Variants in AKAP13 observed in about 807,000 individuals in gnomAD.
AKAP13 encodes the protein A-kinase anchor protein 13.
A neutral mutation model predicts 264.5 loss-of-function variants in AKAP13; 80 were observed. That is an observed-to-expected ratio of 0.30 (90% CI 0.25 to 0.36). AKAP13 has a LOEUF of 0.36. Among genes scored for constraint, AKAP13 ranks in the 10% least tolerant of loss-of-function variants. The probability of loss-of-function intolerance (pLI) is 1.00; values close to 1 mark genes in which losing one functional copy is unlikely to be tolerated. For synonymous variants in AKAP13, 1,380 were observed against 1,250.2 expected, an observed-to-expected ratio of 1.10 and a Z score of -2.19; for missense variants, 3,712 against 3,435.2, an observed-to-expected ratio of 1.08 and a Z score of -2.01.
At chr15:85,486,940 A>G (rs1457356758) in intron 2 of AKAP13, among the ~76,000 whole-genome samples, 3 of 151,908 alleles carry the variant, frequency 2.0e-5, no homozygotes, top group African/African-American at 7.3e-5. Flanking sequence ...GGGTTTTACC[A>G]TGTTTGCCAG....
intron 12 of AKAP13, among the ~76,000 whole-genome samples, chr15:85,658,969 A>G (rs1324427478): frequency 6.6e-6 from 1 of 152,158 alleles, no homozygotes; most frequent in Non-Finnish European, 1.5e-5. Flanking sequence ...TCCACAAAAG[A>G]AAAACCAGGA....
chr15:85,499,672 C>T (rs1418475115), intron 2 of AKAP13, among the ~76,000 whole-genome samples: 1 of 151,866 alleles, frequency 6.6e-6, no homozygotes, highest in South Asian at 2.1e-4. Context: ...CAATCCCTAA[C>T]ACATGCATAA....
intron 5 of AKAP13, among the ~76,000 whole-genome samples, chr15:85,563,575 A>G (rs2078493786): frequency 6.6e-6 from 1 of 152,074 alleles, no homozygotes; most frequent in African/African-American, 2.4e-5. Flanking sequence ...CATTCAAATT[A>G]CCCTGAATAC....
chr15:85,498,199 G>GATATAGAGATAT (rs1467895169), intron 2 of AKAP13, among the ~76,000 whole-genome samples: 1 of 133,010 alleles, frequency 7.5e-6, no homozygotes, highest in Admixed American at 7.4e-5. Flanking sequence ...AATGAAGTGA[G>GATATAGAGATAT]ATATATATAT....
At chr15:85,489,315 C>T (rs2075660421) in intron 2 of AKAP13, among the ~76,000 whole-genome samples, 1 of 152,218 alleles carries the variant, frequency 6.6e-6, no homozygotes, top group Admixed American at 6.5e-5. Flanking sequence ...GTTTAATTGA[C>T]TTGAGCAGGC....
At chr15:85,454,180 G>A (rs748455622) in intron 1 of AKAP13, among the ~76,000 whole-genome samples, 10 of 152,164 alleles carry the variant, frequency 6.6e-5, no homozygotes, top group Non-Finnish European at 1.2e-4. Flanking sequence ...ATTTACAGGA[G>A]TCTAACCTCC....
chr15:85,465,408 A>G (rs577705090), intron 1 of AKAP13, among the ~76,000 whole-genome samples: 136 of 151,658 alleles, frequency 9.0e-4, no homozygotes, highest in Non-Finnish European at 1.6e-3. Context: ...TGTGCAGGTT[A>G]GTTACATATG....
chr15:85,442,817 CT>C (rs1365966834), intron 1 of AKAP13, among the ~76,000 whole-genome samples: 1 of 151,810 alleles, frequency 6.6e-6, no homozygotes, highest in Non-Finnish European at 1.5e-5. Context: ...GGATTCAGGC[CT>C]TTTAAAAAAT....
chr15:85,433,729 G>T (rs541114251), intron 1 of AKAP13, among the ~76,000 whole-genome samples: 4 of 152,082 alleles, frequency 2.6e-5, no homozygotes, highest in Admixed American at 2.6e-4. Flanking sequence ...GGCTGAAGTG[G>T]GTGGATCACC....
At chr15:85,647,679 C>T (rs936585244) in intron 10 of AKAP13, among the ~76,000 whole-genome samples, 1 of 152,200 alleles carries the variant, frequency 6.6e-6, no homozygotes, top group Admixed American at 6.5e-5. Flanking sequence ...GGCGCAATGG[C>T]TCACGCCTGT....
At position 85,582,125 on chromosome 15, in the gene AKAP13, C is replaced by A; in HGVS notation, c.4039+18C>A. On this transcript the variant is annotated intron_variant, in intron 7 of 36. Transcript: ENST00000394518. ...AGCAGCAGGTAAGCAAAACATAATACAAAATTAACAGTCTGAGAAGCAGAT... is the reference window on the plus strand; with the variant it reads ...AGCAGCAGGTAAGCAAAACATAATAAAAAATTAACAGTCTGAGAAGCAGAT... The A allele has an allele frequency of 6.4e-7, 1 of 1,557,804 alleles. No individual in the cohort carries two copies. Among genetic ancestry groups the A allele is most frequent in the African/African-American group, 1.4e-5 (1 of 73,312 alleles).
chr15:85,392,681 T>C (rs1352159438), intron 1 of AKAP13, among the ~76,000 whole-genome samples: 1 of 152,160 alleles, frequency 6.6e-6, no homozygotes. Flanking sequence ...GCTGTGACTA[T>C]AGGCACACGC....
chr15:85,609,766 A>G (rs1005729925), intron 8 of AKAP13, among the ~76,000 whole-genome samples: 1 of 152,184 alleles, frequency 6.6e-6, no homozygotes, highest in African/African-American at 2.4e-5. Context: ...TTCCTCTGTC[A>G]TACCTGGCAT....
Position 85,395,151 on chromosome 15 carries a change from A to G in AKAP13, c.-12+14353A>G, listed in dbSNP as rs536664538. ...CTTTGTGTAGATAACCTTGCCAGAG[A>G]AACCTTACTTAGTATGTGATCTCAG... On this transcript the variant is annotated intron_variant, in intron 1 of 36. Coordinates refer to ENST00000394518, the MANE Select transcript of AKAP13 (RefSeq NM_007200.5). 2.0e-5 allele frequency among the ~76,000 whole-genome samples: 3 copies of G among 152,224 alleles called. No individual in the cohort carries two copies. The East Asian group carries it at 5.8e-4, about 29-fold the overall frequency.
intron 1 of AKAP13, among the ~76,000 whole-genome samples, chr15:85,464,001 TAC>T (rs2074627622): frequency 1.3e-5 from 2 of 152,188 alleles, no homozygotes; most frequent in Admixed American, 1.3e-4. Flanking sequence ...TAATGATTGT[TAC>T]AGTTTTGAAT....
chr15:85,533,086 A>G (rs139856044), intron 3 of AKAP13, among the ~76,000 whole-genome samples: 12 of 152,346 alleles, frequency 7.9e-5, no homozygotes, highest in African/African-American at 2.6e-4. Flanking sequence ...GTGCTTCATC[A>G]TGTGAGCCTT....
chr15:85,716,024 A>C, intron 20 of AKAP13, 101 bp downstream of exon 20: 1 of 1,419,400 alleles, frequency 7.0e-7, no homozygotes, highest in Non-Finnish European at 9.4e-7. Context: ...TTTAAGAAAT[A>C]AATCTATAAG....
chr15:85,560,683 A>G (rs1412912844), intron 5 of AKAP13, among the ~76,000 whole-genome samples: 2 of 151,392 alleles, frequency 1.3e-5, no homozygotes, highest in Non-Finnish European at 2.9e-5. Flanking sequence ...AAATTATTCA[A>G]CTAATATTGA....
At chr15:85,599,705 G>A (rs1026544766) in intron 8 of AKAP13, among the ~76,000 whole-genome samples, 6 of 152,058 alleles carry the variant, frequency 3.9e-5, no homozygotes, top group Admixed American at 3.9e-4. Context: ...AAGGAAGAGG[G>A]GTTAAATAAA....
Sources: allele counts gnomAD v4.1 joint callset (sites outside exome capture counted in the v4.1 genomes callset), GRCh38; gene constraint gnomAD v4.1.1; transcripts MANE v1.5; gene names NCBI Gene and HGNC (gene_info 2026-07-23, HGNC 2026-07-21).